The following OSBPL8 variants were observed in gnomAD, a reference collection of about 807,000 sequenced individuals.
OSBPL8 encodes oxysterol binding protein like 8.
A neutral mutation model predicts 125.5 loss-of-function variants in OSBPL8; 59 were observed. The ratio of observed to expected loss-of-function variants is 0.47; its 90% confidence interval spans 0.38 to 0.58. The LOEUF is 0.58. OSBPL8 is among the 20% of genes least tolerant of loss of function. The pLI is 0.00. For missense variants in OSBPL8, 758 were observed against 1,047.8 expected (o/e 0.72, Z 3.82); for synonymous variants, 330 against 338.9 (o/e 0.97, Z 0.29).
At chr12:76,415,527 C>T (rs1476161498) in intron 4 of OSBPL8, among the ~76,000 whole-genome samples, 1 of 152,176 alleles carries the variant, frequency 6.6e-6, no homozygotes, top group African/African-American at 2.4e-5. Context: ...AGATTACTGG[C>T]ATGAGCCACC....
At chr12:76,476,768 G>GA (rs1478231808) in intron 2 of OSBPL8, among the ~76,000 whole-genome samples, 1 of 152,028 alleles carries the variant, frequency 6.6e-6, no homozygotes, top group Non-Finnish European at 1.5e-5. Context: ...TACCTTTCTA[G>GA]AAAAGACTTC....
intron 21 of OSBPL8, among the ~76,000 whole-genome samples, chr12:76,366,195 A>T (rs1418705849): frequency 6.6e-6 from 1 of 152,178 alleles, no homozygotes; most frequent in Non-Finnish European, 1.5e-5. Context: ...TCACCAGTGC[A>T]GCCACCTGAA....
At position 76,474,410 on chromosome 12, in the gene OSBPL8, T is replaced by C. The variant is rs571828095; in HGVS notation, c.42+13100A>G. ...TGGGATGGGGGGATAAATTTATATA[T>C]ACGCACTTGTGTATGTACACACATA... On this transcript the variant is annotated intron_variant, in intron 2 of 23. Transcript: ENST00000261183. Among the ~76,000 whole-genome samples the C allele has an allele frequency of 8.5e-5, 13 of 152,102 alleles. No homozygotes were observed. The South Asian group carries it at 2.7e-3, about 32-fold the overall frequency.
At chr12:76,546,021 G>A (rs1184245035) in intron 1 of OSBPL8, among the ~76,000 whole-genome samples, 4 of 152,110 alleles carry the variant, frequency 2.6e-5, no homozygotes, top group Non-Finnish European at 4.4e-5. Context: ...CACTGGATTC[G>A]TAAGATGTTA....
At chr12:76,454,362 A>G (rs1246214926) in intron 3 of OSBPL8, among the ~76,000 whole-genome samples, 1 of 152,216 alleles carries the variant, frequency 6.6e-6, no homozygotes, top group South Asian at 2.1e-4. Flanking sequence ...ATCTAGTTCT[A>G]TAACAAACGA....
chr12:76,547,585 A>T (rs899360276), intron 1 of OSBPL8, among the ~76,000 whole-genome samples: 1 of 152,248 alleles, frequency 6.6e-6, no homozygotes, highest in Non-Finnish European at 1.5e-5. Context: ...AAAGCAATGG[A>T]GGAAAAAATA....
chr12:76,545,711 T>C (rs1399768074), intron 1 of OSBPL8, among the ~76,000 whole-genome samples: 1 of 151,454 alleles, frequency 6.6e-6, no homozygotes, highest in Non-Finnish European at 1.5e-5. Context: ...GGAGTCATCA[T>C]CTCTAATTTA....
intron 4 of OSBPL8, among the ~76,000 whole-genome samples, chr12:76,419,618 T>C (rs534646730): frequency 6.6e-6 from 1 of 152,246 alleles, no homozygotes; most frequent in East Asian, 1.9e-4. Flanking sequence ...AGCAAGACAG[T>C]GCTATAATAT....
chr12:76,384,202 C>T, intron 15 of OSBPL8, 52 bp downstream of exon 15: 2 of 1,099,510 alleles, frequency 1.8e-6, no homozygotes, highest in South Asian at 2.0e-5. Context: ...AAAAGCTCAC[C>T]AGAAAATAAT....
chr12:76,499,453 C>T (rs1879667297), intron 1 of OSBPL8, among the ~76,000 whole-genome samples: 1 of 152,016 alleles, frequency 6.6e-6, no homozygotes, highest in Non-Finnish European at 1.5e-5. Flanking sequence ...GTCTTGAATC[C>T]CTAGGCTCAA....
chr12:76,548,773 A>AC (rs1438953507), intron 1 of OSBPL8, among the ~76,000 whole-genome samples: 1 of 152,194 alleles, frequency 6.6e-6, no homozygotes, highest in Non-Finnish European at 1.5e-5. Flanking sequence ...CTAATAGGGA[A>AC]AACAGTCCAA....
chr12:76,537,946 G>T (rs1416172654), intron 1 of OSBPL8: 1 of 152,156 alleles, frequency 6.6e-6, no homozygotes. Context: ...AATAAAGACA[G>T]TAATACTGAC....
intron 1 of OSBPL8, among the ~76,000 whole-genome samples, chr12:76,505,458 C>T (rs904100298): frequency 2.6e-5 from 4 of 151,744 alleles, no homozygotes; most frequent in East Asian, 1.9e-4. Context: ...TTATTTTCCT[C>T]GACGAACCTG....
chr12:76,507,964 A>C (rs1289778129), intron 1 of OSBPL8, among the ~76,000 whole-genome samples: 1 of 152,048 alleles, frequency 6.6e-6, no homozygotes, highest in Non-Finnish European at 1.5e-5. Context: ...TGAGATCAGG[A>C]GTTTGAGATC....
intron 1 of OSBPL8, among the ~76,000 whole-genome samples, chr12:76,552,732 C>T (rs1950980949): frequency 6.6e-6 from 1 of 152,116 alleles, no homozygotes; most frequent in African/African-American, 2.4e-5. Flanking sequence ...TTGGCCACCC[C>T]AAGTCAGCAT....
chr12:76,362,111 T>A (rs1012845431), intron 21 of OSBPL8, among the ~76,000 whole-genome samples: 2 of 152,182 alleles, frequency 1.3e-5, no homozygotes, highest in African/African-American at 4.8e-5. Flanking sequence ...CTACTTCAAA[T>A]GCTGGAGGCT....
intron 4 of OSBPL8, among the ~76,000 whole-genome samples, chr12:76,440,892 C>T (rs1265468250): frequency 6.6e-6 from 1 of 152,154 alleles, no homozygotes; most frequent in African/African-American, 2.4e-5. Flanking sequence ...CCCACTTTCT[C>T]AATAATTCTG....
chr12:76,499,303 A>AAT (rs1429009979), intron 1 of OSBPL8, among the ~76,000 whole-genome samples: 2 of 59,966 alleles, frequency 3.3e-5, no homozygotes, highest in Non-Finnish European at 6.6e-5. Flanking sequence ...TACTTAATAA[A>AAT]CTCTATCTAT....
At chr12:76,477,593 G>A (rs566562063) in intron 2 of OSBPL8, among the ~76,000 whole-genome samples, 1 of 152,124 alleles carries the variant, frequency 6.6e-6, no homozygotes, top group African/African-American at 2.4e-5. Flanking sequence ...AAGAACATGA[G>A]GAAACACGAG....
Sources: gnomAD v4.1 joint callset for allele counts (sites outside exome capture counted in the v4.1 genomes callset) on GRCh38, gnomAD v4.1.1 for gene constraint, MANE v1.5 for transcripts, NCBI Gene and HGNC (gene_info 2026-07-23, HGNC 2026-07-21) for gene names.